LIPA: variants seen among roughly 807,000 people sequenced by gnomAD.
LIPA encodes lipase A, lysosomal acid type, also known as lysosomal acid lipase/cholesteryl ester hydrolase.
LIPA carries 26 observed loss-of-function variants against 40.6 expected under a neutral mutation model. The observed-to-expected ratio is 0.64, with a 90% CI of 0.47 to 0.89. The LOEUF is 0.89. Among genes scored for constraint, LIPA ranks in the 40% least tolerant of loss-of-function variants. The pLI, the probability that LIPA is intolerant of heterozygous loss-of-function variation, is 0.00. For missense variants in LIPA, 455 were observed against 479.6 expected (o/e 0.95, Z 0.48); for synonymous variants, 188 against 168.4 (o/e 1.12, Z -0.90).
intron 1 of LIPA, among the ~76,000 whole-genome samples, chr10:89,286,946 C>T (rs936018627): frequency 1.3e-5 from 2 of 152,238 alleles, no homozygotes; most frequent in South Asian, 2.1e-4. Context: ...TCCTAGAGGA[C>T]CTTCTCCATC....
chr10:89,287,368 A>T (rs1161027349), intron 1 of LIPA, among the ~76,000 whole-genome samples: 1 of 152,054 alleles, frequency 6.6e-6, no homozygotes, highest in East Asian at 1.9e-4. Flanking sequence ...AAACCTCTTA[A>T]AACTCCCCAA....
intron 3 of LIPA, among the ~76,000 whole-genome samples, chr10:89,244,856 T>C (rs938406739): frequency 1.3e-5 from 2 of 152,196 alleles, no homozygotes; most frequent in African/African-American, 4.8e-5. Flanking sequence ...GAAAATCAGC[T>C]TGGCAATATA....
At chr10:89,401,427 A>T (rs1228848460) in intron 2 of LIPA, among the ~76,000 whole-genome samples, 1 of 152,066 alleles carries the variant, frequency 6.6e-6, no homozygotes, top group Non-Finnish European at 1.5e-5. Flanking sequence ...AGCCTATATG[A>T]CATTCTTGAA....
intron 8 of LIPA, among the ~76,000 whole-genome samples, chr10:89,221,819 A>T (rs995551482): frequency 1.3e-5 from 2 of 152,212 alleles, no homozygotes; most frequent in African/African-American, 4.8e-5. Context: ...CTTTTTGAAA[A>T]GAGGTATAGA....
chr10:89,395,369 G>C (rs1455753545), intron 2 of LIPA, among the ~76,000 whole-genome samples: 2 of 152,224 alleles, frequency 1.3e-5, no homozygotes, highest in African/African-American at 4.8e-5. Flanking sequence ...CTCGCTGGTT[G>C]AGCAGGCATG....
rs763502734 is a variant in LIPA, at chr10:89,215,960, T to C, written c.944A>G (p.Lys315Arg). Residue 315 changes from lysine (K) to arginine (R), a missense_variant, in exon 9 of 10, where the codon AAG becomes AGG. By Grantham distance (26) the Lys-to-Arg change is conservative. Coordinates refer to ENST00000336233, the MANE Select transcript of LIPA (RefSeq NM_000235.4). ...FQAFDWGSSA[K>R]NYFHYNQSYP... ...TACCTGGTTGTAATGAAAATAATTC[T>C]TGGCACTGCTTCCCCAGTCAAAGGC... 2.5e-6 allele frequency: 4 copies of C among 1,611,222 alleles called. No homozygotes were observed. Among genetic ancestry groups the C allele is most frequent in the Non-Finnish European group, 3.4e-6 (4 of 1,177,454 alleles).
At chr10:89,392,761 G>GA (rs1321662191) in intron 2 of LIPA, 3 of 1,599,570 alleles carry the variant, frequency 1.9e-6, no homozygotes, top group Non-Finnish European at 2.6e-6. Flanking sequence ...TAAAGTTTTT[G>GA]AAAAAATGGT....
intron 1 of LIPA, among the ~76,000 whole-genome samples, chr10:89,248,820 C>A (rs1165252642): frequency 6.6e-6 from 1 of 152,146 alleles, no homozygotes; most frequent in African/African-American, 2.4e-5. Context: ...CCACCCACCA[C>A]CTCCAGTTGA....
At chr10:89,305,461 A>G (rs1564781198) in intron 1 of LIPA, among the ~76,000 whole-genome samples, 1 of 152,240 alleles carries the variant, frequency 6.6e-6, no homozygotes, top group Non-Finnish European at 1.5e-5. Flanking sequence ...AGAATATCAA[A>G]GATAAAATGA....
intron 1 of LIPA, chr10:89,306,710 A>G (rs1304824354): frequency 5.0e-6 from 8 of 1,614,136 alleles, no homozygotes; most frequent in African/African-American, 1.3e-5. Flanking sequence ...TGTTCTTCGC[A>G]GTGCAGCCAA....
intron 1 of LIPA, among the ~76,000 whole-genome samples, chr10:89,279,262 A>G (rs1843304291): frequency 1.3e-5 from 2 of 152,206 alleles, no homozygotes; most frequent in Non-Finnish European, 2.9e-5. Context: ...ATAGTATGGT[A>G]TATCCTCTTA....
intron 1 of LIPA, among the ~76,000 whole-genome samples, chr10:89,295,018 A>C (rs1843404317): frequency 7.5e-6 from 1 of 132,750 alleles, no homozygotes; most frequent in African/African-American, 2.8e-5. Context: ...AAGGAAATGA[A>C]ATGAAAGGAA....
chr10:89,367,330 A>C (rs1367482723), intron 2 of LIPA, among the ~76,000 whole-genome samples: 5 of 152,198 alleles, frequency 3.3e-5, no homozygotes, highest in African/African-American at 1.2e-4. Context: ...TAATAATTAA[A>C]AAAAAAGACA....
intron 2 of LIPA, among the ~76,000 whole-genome samples, chr10:89,364,785 G>A: frequency 6.6e-6 from 1 of 152,036 alleles, no homozygotes; most frequent in East Asian, 1.9e-4. Context: ...GCTAGGTAGT[G>A]TGTAATATAC....
At chr10:89,381,283 T>A (rs1844160963) in intron 2 of LIPA, among the ~76,000 whole-genome samples, 2 of 152,170 alleles carry the variant, frequency 1.3e-5, no homozygotes, top group South Asian at 4.1e-4. Context: ...GAGTGGACGA[T>A]TTGGGTCAAA....
rs934133402 is a variant in LIPA, at chr10:89,214,620, C to T, written c.*208G>A. The T allele has an allele frequency of 2.6e-5, 14 of 541,022 alleles. No individual in the cohort carries two copies. Among genetic ancestry groups the T allele is most frequent in the Middle Eastern group, 1.0e-3 (2 of 1,958 alleles). 33.5% of individuals were successfully genotyped at this position (541,022 alleles called of 1,614,324 possible). A position where few individuals can be genotyped will look rare whatever the true frequency, so the allele number is the denominator to read the frequency against. Reference sequence around the variant, plus strand: ...AATACTATGGTTGAGACACTGGCTTCCTATTCCAGCCCTAATTAAAGAAAA... The same window carrying T: ...AATACTATGGTTGAGACACTGGCTTTCTATTCCAGCCCTAATTAAAGAAAA... On this transcript the variant is annotated 3_prime_UTR_variant, in exon 10 of 10. Transcript: ENST00000336233.
intron 2 of LIPA, among the ~76,000 whole-genome samples, chr10:89,373,961 T>G (rs751252805): frequency 1.3e-5 from 2 of 152,202 alleles, no homozygotes; most frequent in African/African-American, 2.4e-5. Context: ...ATTACTTTTT[T>G]CAGAAAACTT....
At position 89,225,333 on chromosome 10, in the gene LIPA, C is replaced by A. The variant is rs189651569; in HGVS notation, c.539-105G>T. 6.9e-5 allele frequency: 95 copies of A among 1,373,594 alleles called. 2 individuals are homozygous for A. The East Asian group carries it at 2.0e-3, about 29-fold the overall frequency. The allele number at this position is 1,373,594 out of a possible 1,614,324, so 85.1% of individuals were successfully genotyped here. A position where few individuals can be genotyped will look rare whatever the true frequency, so the allele number is the denominator to read the frequency against. On this transcript the variant is annotated intron_variant, in intron 5 of 9. Transcript: ENST00000336233. The stretch of plus-strand genomic sequence containing the variant: ...GACGCCCTCTCGCGGAGGCCTGAGA[C>A]CCACGCAAACAATACCACCAGCAGG...
At chr10:89,225,377 G>A in intron 5 of LIPA, 149 bp from the exon 6 acceptor site, 4 of 914,112 alleles carry the variant, frequency 4.4e-6, no homozygotes, top group South Asian at 1.4e-5. Context: ...CACTTGACAT[G>A]GGGCACTCTG....
Sources: gnomAD v4.1 joint callset for allele counts (sites outside exome capture counted in the v4.1 genomes callset) on GRCh38, gnomAD v4.1.1 for gene constraint, MANE v1.5 for transcripts, NCBI Gene and HGNC (gene_info 2026-07-23, HGNC 2026-07-21) for gene names.